The following LRRC7 variants were observed in gnomAD, a reference collection of about 807,000 sequenced individuals.
LRRC7 encodes leucine rich repeat containing 7, also known as leucine-rich repeat-containing protein 7.
In LRRC7, 23 loss-of-function variants were observed where a neutral mutation model predicts 175.7. The observed-to-expected ratio is 0.13, with a 90% confidence interval of 0.09 to 0.19. LRRC7 has a LOEUF of 0.19. Ranked by LOEUF, LRRC7 falls within the 10% of genes least tolerant of loss-of-function variation. The pLI is 1.00. For synonymous variants in LRRC7, 685 were observed against 680.9 expected, an observed-to-expected ratio of 1.01 and a Z score of -0.09; for missense variants, 1,354 against 1,904.7, an observed-to-expected ratio of 0.71 and a Z score of 5.38.
intron 1 of LRRC7, among the ~76,000 whole-genome samples, chr1:69,574,717 C>T (rs1420140841): frequency 6.6e-6 from 1 of 152,104 alleles, no homozygotes; most frequent in Non-Finnish European, 1.5e-5. Context: ...GCAGTTCTTA[C>T]CACCAGTAGG....
At position 70,023,273 on chromosome 1, in the gene LRRC7, G is replaced by C. The variant is rs764279942; in HGVS notation, c.1693G>C (p.Ala565Pro). ...CGTCCCCCAGAATGACCCACAGCTG[G>C]CATGGGGTTGTATAAGTGGCCTCCA... is the stretch of plus-strand genomic sequence containing the variant. ...MPVPQNDPQLAWGCISGLQQE... is the reference protein window; with the variant it reads ...MPVPQNDPQLPWGCISGLQQE... Residue 565 changes from alanine to proline, a missense_variant, in exon 17 of 27, where the codon GCA (alanine) becomes CCA (proline). By Grantham distance (27) the Ala-to-Pro change is conservative. Transcript: ENST00000651989. 6.2e-7 allele frequency: 1 copy of C among 1,613,484 alleles called. No homozygotes were observed. The highest frequency in any genetic ancestry group is 1.7e-5 in the Admixed American group (1 of 59,954).
At chr1:69,711,990 A>G (rs1664802347) in intron 2 of LRRC7, among the ~76,000 whole-genome samples, 1 of 152,176 alleles carries the variant, frequency 6.6e-6, no homozygotes, top group Non-Finnish European at 1.5e-5. Context: ...CATCATTTAC[A>G]TATAATCAAA....
chr1:69,651,873 A>T (rs979119129), intron 1 of LRRC7, among the ~76,000 whole-genome samples: 1 of 152,092 alleles, frequency 6.6e-6, no homozygotes, highest in African/African-American at 2.4e-5. Context: ...CACTGACAGA[A>T]CTGGCAGAGT....
intron 26 of LRRC7, among the ~76,000 whole-genome samples, chr1:70,115,395 A>T (rs1023134382): frequency 1.3e-5 from 2 of 152,132 alleles, no homozygotes; most frequent in African/African-American, 4.8e-5. Flanking sequence ...GTATACAAGT[A>T]TGAGAACCCT....
intron 1 of LRRC7, among the ~76,000 whole-genome samples, chr1:69,590,563 C>T (rs1302906631): frequency 1.3e-5 from 2 of 152,120 alleles, no homozygotes; most frequent in Admixed American, 1.3e-4. Context: ...ATTGGAAAGC[C>T]TCTTCCACAA....
At chr1:69,997,965 C>G (rs1368836692) in intron 11 of LRRC7, among the ~76,000 whole-genome samples, 1 of 152,030 alleles carries the variant, frequency 6.6e-6, no homozygotes, top group Non-Finnish European at 1.5e-5. Flanking sequence ...GGAATAGTTT[C>G]AGAAGGAATG....
rs549261429 is a variant in LRRC7, at chr1:69,689,550, G to A, written c.100+11072G>A. On this transcript the variant is annotated intron_variant, in intron 2 of 26. Coordinates refer to ENST00000651989, the MANE Select transcript of LRRC7 (RefSeq NM_001370785.2). ...TTCATGCTGCAATATCAGAGACACC[G>A]AACTAAACATTCCTACCCAGCTCTG... is the stretch of plus-strand genomic sequence containing the variant. Among the ~76,000 whole-genome samples, 8 of 152,180 alleles carry A rather than the reference G, an allele frequency of 5.3e-5. No homozygotes were observed. In the South Asian group the frequency reaches 6.2e-4, roughly 12 times the overall value.
chr1:69,784,045 C>T (rs1398663065), intron 3 of LRRC7, among the ~76,000 whole-genome samples: 1 of 151,950 alleles, frequency 6.6e-6, no homozygotes, highest in African/African-American at 2.4e-5. Flanking sequence ...TTATATGAAA[C>T]ATAAAGCAGT....
intron 2 of LRRC7, among the ~76,000 whole-genome samples, chr1:69,698,740 A>G (rs1352217672): frequency 6.6e-6 from 1 of 152,208 alleles, no homozygotes; most frequent in Admixed American, 6.5e-5. Context: ...GGATAGTCTT[A>G]CCCTGCCTTG....
chr1:70,040,245 CAT>C (rs1457917277), intron 21 of LRRC7, among the ~76,000 whole-genome samples: 1 of 152,150 alleles, frequency 6.6e-6, no homozygotes, highest in Non-Finnish European at 1.5e-5. Context: ...AAAATTTGCA[CAT>C]AGTTACTGCT....
chr1:70,113,479 A>C (rs1163349628), intron 26 of LRRC7, among the ~76,000 whole-genome samples: 3 of 152,152 alleles, frequency 2.0e-5, no homozygotes, highest in Non-Finnish European at 4.4e-5. Flanking sequence ...TTGGCTCCAG[A>C]CTCATTGCCA....
At chr1:69,807,765 A>G (rs1046300623) in intron 4 of LRRC7, among the ~76,000 whole-genome samples, 2 of 151,916 alleles carry the variant, frequency 1.3e-5, no homozygotes, top group African/African-American at 4.8e-5. Flanking sequence ...GGTTCAGACA[A>G]TTATGTGTCT....
chr1:69,816,839 C>T (rs559286156), intron 4 of LRRC7, among the ~76,000 whole-genome samples: 1 of 152,166 alleles, frequency 6.6e-6, no homozygotes, highest in Admixed American at 6.5e-5. Flanking sequence ...AACTATTCTA[C>T]TCTGTTTCTA....
intron 7 of LRRC7, among the ~76,000 whole-genome samples, chr1:69,887,949 C>A (rs1300884125): frequency 2.8e-5 from 4 of 142,422 alleles, no homozygotes; most frequent in African/African-American, 8.0e-5. Flanking sequence ...GGGTCAGGGA[C>A]CCACTTGAGG....
chr1:69,576,067 A>C (rs1320810120), intron 1 of LRRC7, among the ~76,000 whole-genome samples: 1 of 45,260 alleles, frequency 2.2e-5, no homozygotes, highest in Admixed American at 2.2e-4. Context: ...TGTTGTATCT[A>C]CTTTTTTTTT....
chr1:70,013,959 A>G (rs1656746402), intron 13 of LRRC7: 1 of 152,060 alleles, frequency 6.6e-6, no homozygotes, highest in Non-Finnish European at 1.5e-5. Flanking sequence ...AGTTTAAGGA[A>G]AAATGTGAAC....
rs1002154856 is a variant in LRRC7 at position 70,142,532 on chromosome 1, TAAG to T, written c.*20646_*20648del. The T allele has an allele frequency of 1.1e-4, 17 of 152,110 alleles. No homozygotes were observed. Among genetic ancestry groups the T allele is most frequent in the African/African-American group, 4.1e-4 (17 of 41,454 alleles). The allele number at this position is 152,110 out of a possible 1,614,324, so 9.4% of individuals were successfully genotyped here. On this transcript the variant is annotated 3_prime_UTR_variant, in exon 27 of 27. Transcript: ENST00000651989. ...TACTCAGTAGGGACTAAAGGAAGCTTAAGGATAATGACATTGTCTTCATATGAA... is the reference window on the plus strand; with the variant it reads ...TACTCAGTAGGGACTAAAGGAAGCTTGATAATGACATTGTCTTCATATGAA...
chr1:69,816,344 C>T (rs1188741453), intron 4 of LRRC7, among the ~76,000 whole-genome samples: 1 of 152,156 alleles, frequency 6.6e-6, no homozygotes, highest in Non-Finnish European at 1.5e-5. Flanking sequence ...ACCTAATTAT[C>T]TCCAAAATGC....
intron 7 of LRRC7, among the ~76,000 whole-genome samples, chr1:69,870,393 A>G (rs2101576118): frequency 6.6e-6 from 1 of 152,152 alleles, no homozygotes; most frequent in South Asian, 2.1e-4. Flanking sequence ...CCTTCATAGA[A>G]GAGGTTGATT....
Sources: gnomAD v4.1 joint callset for allele counts (sites outside exome capture counted in the v4.1 genomes callset) on GRCh38, gnomAD v4.1.1 for gene constraint, MANE v1.5 for transcripts, NCBI Gene and HGNC (gene_info 2026-07-23, HGNC 2026-07-21) for gene names.